Variants in KCNIP4 observed in about 807,000 individuals in gnomAD.
KCNIP4 encodes the protein potassium voltage-gated channel interacting protein 4, also known as Kv channel-interacting protein 4.
KCNIP4 carries 12 observed loss-of-function variants against 34.0 expected under a neutral mutation model. The observed-to-expected ratio is 0.35, with a 90% CI of 0.23 to 0.57. KCNIP4 has a LOEUF of 0.57. Ranked by LOEUF, KCNIP4 falls within the 20% of genes least tolerant of loss-of-function variation. The pLI, the probability that KCNIP4 is intolerant of heterozygous loss-of-function variation, is 0.83. For missense variants in KCNIP4, 238 were observed against 311.7 expected, an observed-to-expected ratio of 0.76 and a Z score of 1.78; for synonymous variants, 124 against 102.2, an observed-to-expected ratio of 1.21 and a Z score of -1.29.
chr4:21,605,017 T>C (rs557238503), intron 1 of KCNIP4, among the ~76,000 whole-genome samples: 1 of 152,302 alleles, frequency 6.6e-6, no homozygotes, highest in African/African-American at 2.4e-5. Context: ...TAAAGGACAC[T>C]GGGGTGTTTC....
chr4:21,321,719 C>T lies in KCNIP4; in HGVS notation c.62-439010G>A, dbSNP rs76650162. 6.5e-4 allele frequency among the ~76,000 whole-genome samples: 43 copies of T among 66,228 alleles called. 1 individual carries two copies. The highest frequency in any genetic ancestry group is 2.5e-3 in the African/African-American group (40 of 15,830). 43.4% of individuals were successfully genotyped at this position (66,228 alleles called of 152,430 possible). On this transcript the variant is annotated intron_variant, in intron 1 of 8. Coordinates refer to ENST00000382152, the MANE Select transcript of KCNIP4 (RefSeq NM_025221.6). ...GAGAGAAGGAAGGAGAGAAGGAAGG[C>T]AGGAGGGAGGCAGTGGGAGAAGTGG... is the stretch of plus-strand genomic sequence containing the variant.
chr4:21,247,619 ATC>A (rs1185250804), intron 1 of KCNIP4, among the ~76,000 whole-genome samples: 62 of 140,462 alleles, frequency 4.4e-4, no homozygotes, highest in Admixed American at 8.4e-4. Flanking sequence ...ATATATTTAT[ATC>A]TATATATTTA....
intron 3 of KCNIP4, among the ~76,000 whole-genome samples, chr4:20,846,421 G>A (rs1720383002): frequency 2.0e-5 from 3 of 152,104 alleles, no homozygotes; most frequent in Admixed American, 2.0e-4. Context: ...AGCTATAACT[G>A]GTTTCGAAAG....
At chr4:21,730,943 T>A in intron 1 of KCNIP4, among the ~76,000 whole-genome samples, 1 of 151,674 alleles carries the variant, frequency 6.6e-6, no homozygotes. Context: ...CAAAACACCA[T>A]CTCTATAAAA....
At chr4:21,522,845 C>T (rs1735655066) in intron 1 of KCNIP4, among the ~76,000 whole-genome samples, 1 of 151,946 alleles carries the variant, frequency 6.6e-6, no homozygotes, top group Non-Finnish European at 1.5e-5. Context: ...TAGAACATTG[C>T]TTAGCACATA....
At chr4:21,493,411 C>T (rs1732575928) in intron 1 of KCNIP4, among the ~76,000 whole-genome samples, 1 of 150,946 alleles carries the variant, frequency 6.6e-6, no homozygotes, top group South Asian at 2.1e-4. Flanking sequence ...CCCTCTCTAT[C>T]CTGCTCCCCA....
intron 1 of KCNIP4, among the ~76,000 whole-genome samples, chr4:21,934,922 C>T (rs1385376410): frequency 6.6e-6 from 1 of 152,064 alleles, no homozygotes; most frequent in Non-Finnish European, 1.5e-5. Context: ...CTCTAGCACC[C>T]CAAATATAAT....
chr4:21,072,335 C>G (rs1745027083), intron 1 of KCNIP4, among the ~76,000 whole-genome samples: 1 of 152,206 alleles, frequency 6.6e-6, no homozygotes, highest in African/African-American at 2.4e-5. Flanking sequence ...GATTGCCATT[C>G]TAACTGGTGT....
chr4:21,157,692 T>A (rs750090636), intron 1 of KCNIP4, among the ~76,000 whole-genome samples: 1 of 152,020 alleles, frequency 6.6e-6, no homozygotes, highest in Non-Finnish European at 1.5e-5. Context: ...TACACAGAAA[T>A]TGAATCACTA....
At chr4:20,973,190 A>G (rs767088863) in intron 1 of KCNIP4, among the ~76,000 whole-genome samples, 2 of 152,220 alleles carry the variant, frequency 1.3e-5, no homozygotes, top group Non-Finnish European at 2.9e-5. Flanking sequence ...TTTCATCCAC[A>G]TTGAAAATCT....
chr4:21,796,687 T>C (rs1720644755), intron 1 of KCNIP4, among the ~76,000 whole-genome samples: 1 of 152,238 alleles, frequency 6.6e-6, no homozygotes, highest in Non-Finnish European at 1.5e-5. Context: ...CACATCTATG[T>C]TACTTGATGA....
At chr4:21,276,894 TC>T (rs1431425737) in intron 1 of KCNIP4, among the ~76,000 whole-genome samples, 1 of 152,208 alleles carries the variant, frequency 6.6e-6, no homozygotes, top group Admixed American at 6.5e-5. Flanking sequence ...ATTCCTTCTT[TC>T]TTCACTATTT....
chr4:21,378,144 G>C (rs1721151103), intron 1 of KCNIP4, among the ~76,000 whole-genome samples: 1 of 152,134 alleles, frequency 6.6e-6, no homozygotes, highest in South Asian at 2.1e-4. Context: ...CAGTCTCTCA[G>C]TCAATCATCA....
At chr4:21,197,763 A>C (rs1358708345) in intron 1 of KCNIP4, among the ~76,000 whole-genome samples, 2 of 152,172 alleles carry the variant, frequency 1.3e-5, no homozygotes, top group East Asian at 3.9e-4. Flanking sequence ...TACCGTTAGA[A>C]ACAATAAGAA....
rs991170987 is a variant in KCNIP4 at position 21,111,369 on chromosome 4, A to G, written c.62-228660T>C. ...ACCCTTATCCTCAGACATGGTCAAG[A>G]TTCCACAGGACTAAATTCAAAAGTA... On this transcript the variant is annotated intron_variant, in intron 1 of 8. Transcript: ENST00000382152. Among the ~76,000 whole-genome samples, 3 of 152,364 alleles carry G rather than the reference A, an allele frequency of 2.0e-5. No individual in the cohort carries two copies. The East Asian group carries it at 5.8e-4, about 29-fold the overall frequency.
At chr4:21,140,205 T>G (rs1751838188) in intron 1 of KCNIP4, among the ~76,000 whole-genome samples, 1 of 152,152 alleles carries the variant, frequency 6.6e-6, no homozygotes, top group South Asian at 2.1e-4. Context: ...CATGTTTTGC[T>G]GGTTACTACC....
intron 1 of KCNIP4, among the ~76,000 whole-genome samples, chr4:21,694,943 A>AAAAAAAC (rs1560637409): frequency 1.3e-4 from 6 of 45,338 alleles, no homozygotes; most frequent in African/African-American, 1.7e-4. Context: ...AAAATAAATA[A>AAAAAAAC]ATAAATAAAG....
chr4:21,712,339 G>C (rs1577885755), intron 1 of KCNIP4, among the ~76,000 whole-genome samples: 1 of 152,282 alleles, frequency 6.6e-6, no homozygotes. Context: ...TTGTAAGCTG[G>C]GTTCAGTCTA....
At chr4:21,192,966 A>ATT (rs1755789791) in intron 1 of KCNIP4, among the ~76,000 whole-genome samples, 2 of 139,640 alleles carry the variant, frequency 1.4e-5, no homozygotes, top group East Asian at 2.0e-4. Context: ...TAATAATAAT[A>ATT]ATTAGTTGGG....
Sources: gnomAD v4.1 joint callset for allele counts (sites outside exome capture counted in the v4.1 genomes callset) on GRCh38, gnomAD v4.1.1 for gene constraint, MANE v1.5 for transcripts, NCBI Gene and HGNC (gene_info 2026-07-23, HGNC 2026-07-21) for gene names.